NF1: variants seen among roughly 807,000 people sequenced by gnomAD.
NF1 encodes neurofibromin 1.
NF1 carries 122 observed loss-of-function variants against 325.7 expected under a neutral mutation model. The observed-to-expected ratio is 0.37, with a 90% CI of 0.32 to 0.44. The LOEUF (loss-of-function observed/expected upper bound fraction) is 0.44. NF1 is among the 20% of genes least tolerant of loss of function. NF1 has a pLI of 1.00. For synonymous variants in NF1, 1,091 were observed against 1,186.0 expected (o/e 0.92, Z 1.65); for missense variants, 2,140 against 3,415.4 (o/e 0.63, Z 9.31).
chr17:31,359,340 C>A, intron 56 of NF1: 1 of 319,828 alleles, frequency 3.1e-6, no homozygotes, highest in Non-Finnish European at 5.8e-6. Flanking sequence ...TATCTTATGA[C>A]TAGCAAGGAG....
rs775206746 is a variant in NF1 at position 31,258,355 on chromosome 17, G to T, written c.4185G>T (p.Gln1395His). The change falls in exon 32 of 58, where the codon CAG (glutamine) becomes CAT (histidine). Residue 1395 changes from glutamine to histidine, a missense_variant. Gln to His is a conservative substitution (Grantham distance 24). Coordinates refer to ENST00000358273, the MANE Select transcript of NF1 (RefSeq NM_001042492.3). The stretch of plus-strand genomic sequence containing the variant: ...CTCCTTGTTTTTAGGTGGTTAGCCA[G>T]CGTTTCCCTCAGAACAGCATCGGTG... Reference protein sequence around the residue: ...KKENKKSVVSQRFPQNSIGAV... With the variant: ...KKENKKSVVSHRFPQNSIGAV... The T allele has an allele frequency of 1.8e-5, 29 of 1,613,860 alleles. No homozygotes were observed. The highest frequency in any genetic ancestry group is 1.0e-4 in the Admixed American group (6 of 59,992).
rs1468728495 is a variant in NF1, at chr17:31,360,681, T to C, written c.8355T>C (p.Leu2785=). The C allele has an allele frequency of 1.2e-6, 2 of 1,614,010 alleles. No homozygotes were observed. Among genetic ancestry groups the C allele is most frequent in the Non-Finnish European group, 1.7e-6 (2 of 1,179,882 alleles). Residue 2785 remains leucine (L), a synonymous_variant, in exon 57 of 58, where the codon CTT becomes CTC. Transcript: ENST00000358273. The stretch of plus-strand genomic sequence containing the variant: ...ACCTTTCTAATTCCATGACCTCACT[T>C]GCAACTTCCCAGCATTCCCCAGGTC... ...NLNLSNSMTS[L]ATSQHSPGID...
chr17:31,363,270 C>A (rs1293960731), intron 57 of NF1, among the ~76,000 whole-genome samples: 2 of 152,006 alleles, frequency 1.3e-5, no homozygotes, highest in African/African-American at 4.8e-5. Flanking sequence ...CTCTAAATTA[C>A]AGGCTCATGT....
chr17:31,160,567 C>T (rs2065745391), intron 3 of NF1, among the ~76,000 whole-genome samples: 1 of 152,160 alleles, frequency 6.6e-6, no homozygotes, highest in South Asian at 2.1e-4. Flanking sequence ...AGCAAAAGAG[C>T]TGTTACATAG....
intron 38 of NF1, among the ~76,000 whole-genome samples, chr17:31,328,218 A>C (rs2069397187): frequency 6.6e-6 from 1 of 152,234 alleles, no homozygotes; most frequent in East Asian, 1.9e-4. Flanking sequence ...AAGAAGGCCT[A>C]ATGTTCAATA....
chr17:31,295,431 T>G (rs769816389), intron 36 of NF1: 1 of 1,614,136 alleles, frequency 6.2e-7, no homozygotes, highest in Admixed American at 1.7e-5. Flanking sequence ...GGTATTTTGG[T>G]CACTTTGGGT....
chr17:31,132,160 T>C (rs1340956845), intron 1 of NF1, among the ~76,000 whole-genome samples: 1 of 152,056 alleles, frequency 6.6e-6, no homozygotes, highest in African/African-American at 2.4e-5. Flanking sequence ...CTTGAACTCA[T>C]GGGCTCAAAT....
chr17:31,266,117 A>G (rs1201883439), intron 36 of NF1, among the ~76,000 whole-genome samples: 3 of 152,218 alleles, frequency 2.0e-5, no homozygotes, highest in East Asian at 1.9e-4. Context: ...CTCAAGGACC[A>G]TGTTTAGACC....
intron 46 of NF1, among the ~76,000 whole-genome samples, chr17:31,339,082 A>G (rs17881662): frequency 1.4e-4 from 22 of 152,178 alleles, no homozygotes; most frequent in East Asian, 1.9e-4. Context: ...TCTTATAACT[A>G]TTAATTATCT....
chr17:31,163,138 T>C (rs762152769), intron 3 of NF1, 48 bp from the exon 4 acceptor site: 1 of 1,589,008 alleles, frequency 6.3e-7, no homozygotes, highest in East Asian at 2.3e-5. Context: ...TAGAAAATGT[T>C]TACAGGTAAA....
intron 36 of NF1, among the ~76,000 whole-genome samples, chr17:31,299,799 C>G (rs796139076): frequency 3.3e-5 from 5 of 152,194 alleles, no homozygotes; most frequent in African/African-American, 1.2e-4. Context: ...CCTCCCTACT[C>G]CTTTTTTTCT....
intron 4 of NF1, among the ~76,000 whole-genome samples, chr17:31,169,105 G>A (rs1401351548): frequency 6.6e-6 from 1 of 152,126 alleles, no homozygotes. Flanking sequence ...TTTATTGTAT[G>A]TGTTTCCATT....
chr17:31,102,645 A>G (rs1012869084), intron 1 of NF1, among the ~76,000 whole-genome samples: 2 of 151,718 alleles, frequency 1.3e-5, no homozygotes, highest in Admixed American at 6.6e-5. Flanking sequence ...TGAGGCAGGA[A>G]GATCACTTGA....
intron 36 of NF1, chr17:31,295,752 T>A (rs201967527): frequency 1.2e-6 from 2 of 1,613,936 alleles, no homozygotes; most frequent in East Asian, 2.2e-5. Flanking sequence ...TAAAGATGTG[T>A]GAGATTTGTC....
At chr17:31,102,829 T>C (rs1043889299) in intron 1 of NF1, among the ~76,000 whole-genome samples, 1 of 151,884 alleles carries the variant, frequency 6.6e-6, no homozygotes, top group Admixed American at 6.6e-5. Flanking sequence ...CATTGACAAG[T>C]TCTCTTTTTT....
chr17:31,119,403 G>A (rs537836265), intron 1 of NF1, among the ~76,000 whole-genome samples: 1 of 151,032 alleles, frequency 6.6e-6, no homozygotes. Flanking sequence ...TTTTTTGGCT[G>A]CATAAATATC....
intron 23 of NF1, 135 bp downstream of exon 23, chr17:31,230,517 C>G: frequency 1.8e-6 from 2 of 1,100,816 alleles, no homozygotes. Flanking sequence ...TTGTTTTTCT[C>G]TACATCTCTT....
chr17:31,111,801 G>A (rs1425667123), intron 1 of NF1, among the ~76,000 whole-genome samples: 2 of 152,164 alleles, frequency 1.3e-5, no homozygotes, highest in Admixed American at 6.6e-5. Flanking sequence ...GTACAAAACT[G>A]TAGGAAATAA....
chr17:31,251,628 CT>C, intron 30 of NF1: 1 of 198,494 alleles, frequency 5.0e-6, no homozygotes, highest in Non-Finnish European at 1.0e-5. Flanking sequence ...AAATCTCACC[CT>C]TTTTCAGTAA....
Sources: gnomAD v4.1 joint callset for allele counts (sites outside exome capture counted in the v4.1 genomes callset) on GRCh38, gnomAD v4.1.1 for gene constraint, MANE v1.5 for transcripts, NCBI Gene and HGNC (gene_info 2026-07-23, HGNC 2026-07-21) for gene names.